Variants in SVOP observed in about 807,000 individuals in gnomAD.
The protein encoded by SVOP is SV2 related protein, also known as synaptic vesicle 2-related protein.
Under a neutral mutation model 69.1 loss-of-function variants are expected in SVOP, and 17 were observed. That is an observed-to-expected ratio of 0.25 (90% CI 0.17 to 0.37). The LOEUF (loss-of-function observed/expected upper bound fraction) is 0.37, where lower values mean the gene tolerates loss of function less well. Ranked by LOEUF, SVOP falls within the 10% of genes least tolerant of loss-of-function variation. The pLI, the probability that SVOP is intolerant of heterozygous loss-of-function variation, is 1.00. For synonymous variants in SVOP, 238 were observed against 238.6 expected (o/e 1.00, Z 0.02); for missense variants, 435 against 597.5 (o/e 0.73, Z 2.84).
At chr12:108,982,436 A>G (rs1342299187) in intron 2 of SVOP, among the ~76,000 whole-genome samples, 2 of 149,792 alleles carry the variant, frequency 1.3e-5, no homozygotes, top group Non-Finnish European at 3.0e-5. Context: ...CATGATCACC[A>G]TCATCATCAT....
intron 11 of SVOP, among the ~76,000 whole-genome samples, chr12:108,925,147 T>C (rs1255385350): frequency 6.6e-6 from 1 of 152,224 alleles, no homozygotes; most frequent in Non-Finnish European, 1.5e-5. Flanking sequence ...TGATTTTGCC[T>C]GTAACTTCTA....
At chr12:108,990,912 G>A (rs1392542639) in intron 1 of SVOP, among the ~76,000 whole-genome samples, 1 of 152,172 alleles carries the variant, frequency 6.6e-6, no homozygotes, top group East Asian at 1.9e-4. Flanking sequence ...TTTACACTTT[G>A]AGTGCATTCC....
intron 11 of SVOP, 113 bp from the exon 12 acceptor site, chr12:108,922,910 G>A: frequency 1.4e-6 from 1 of 715,236 alleles, no homozygotes; most frequent in Admixed American, 2.3e-5. Flanking sequence ...GCCATAGAAA[G>A]AGCCCAGACT....
intron 6 of SVOP, among the ~76,000 whole-genome samples, chr12:108,949,972 C>T (rs1055203625): frequency 6.6e-6 from 1 of 152,184 alleles, no homozygotes; most frequent in African/African-American, 2.4e-5. Flanking sequence ...GCTGAGTCTC[C>T]CAGAGGAAAC....
In SVOP at chr12:108,911,903, T is replaced by C. The variant is rs2039685730; in HGVS notation, c.*632A>G. 6.5e-6 allele frequency: 1 copy of C among 152,900 alleles called. No homozygotes were observed. The highest frequency in any genetic ancestry group is 1.5e-5 in the Non-Finnish European group (1 of 68,660). 9.5% of individuals were successfully genotyped at this position (152,900 alleles called of 1,614,324 possible). A position where few individuals can be genotyped will look rare whatever the true frequency, so the allele number is the denominator to read the frequency against. On this transcript the variant is annotated 3_prime_UTR_variant, in exon 16 of 16. Transcript: ENST00000610966. The stretch of plus-strand genomic sequence containing the variant: ...GTCCCCAGGGACACATCTGGATCTC[T>C]TGGTGCCAACAACGGCAACTCCAGA...
chr12:108,960,465 C>T (rs2040011898), intron 6 of SVOP, among the ~76,000 whole-genome samples: 1 of 152,116 alleles, frequency 6.6e-6, no homozygotes, highest in South Asian at 2.1e-4. Context: ...TCATACTCTG[C>T]CTTGCGTTTA....
chr12:108,970,708 A>G (rs192654308), intron 5 of SVOP, among the ~76,000 whole-genome samples: 2 of 152,320 alleles, frequency 1.3e-5, no homozygotes, highest in Non-Finnish European at 2.9e-5. Flanking sequence ...TCCTGTGCCT[A>G]GCATGTGCCT....
intron 1 of SVOP, among the ~76,000 whole-genome samples, chr12:109,020,264 A>T (rs952088092): frequency 1.2e-4 from 18 of 152,198 alleles, no homozygotes; most frequent in African/African-American, 4.1e-4. Flanking sequence ...CCTTTCATTC[A>T]GAAGAAGGCA....
At chr12:109,010,343 A>C (rs2040335119) in intron 1 of SVOP, among the ~76,000 whole-genome samples, 1 of 152,042 alleles carries the variant, frequency 6.6e-6, no homozygotes, top group Non-Finnish European at 1.5e-5. Flanking sequence ...ATTCACATGC[A>C]AATCTGCATA....
chr12:108,912,736 C>T lies in SVOP; in HGVS notation c.1446G>A (p.Met482Ile), dbSNP rs867109362. Residue 482 changes from methionine (M) to isoleucine (I), a missense_variant, in exon 16 of 16, where the codon ATG becomes ATA. Coordinates refer to ENST00000610966, the MANE Select transcript of SVOP (RefSeq NM_018711.5). ...ALITPFIAQVMLESSVYLTLA... is the reference protein window; with the variant it reads ...ALITPFIAQVILESSVYLTLA... ...GAGTCAGGTACACAGAGGATTCCAGCATCACCTAGGGGAAGGAGACACGGG... is the reference window on the plus strand; with the variant it reads ...GAGTCAGGTACACAGAGGATTCCAGTATCACCTAGGGGAAGGAGACACGGG... 6.2e-7 allele frequency: 1 copy of T among 1,613,524 alleles called. No individual in the cohort carries two copies. Among genetic ancestry groups the T allele is most frequent in the Non-Finnish European group, 8.5e-7 (1 of 1,179,750 alleles).
At chr12:108,924,334 T>C (rs1316798265) in intron 11 of SVOP, among the ~76,000 whole-genome samples, 1 of 152,186 alleles carries the variant, frequency 6.6e-6, no homozygotes, top group African/African-American at 2.4e-5. Context: ...ACACCCTATC[T>C]GAACCAGCCA....
chr12:109,006,779 G>T (rs1027300320), intron 1 of SVOP, among the ~76,000 whole-genome samples: 2 of 152,176 alleles, frequency 1.3e-5, no homozygotes, highest in Non-Finnish European at 2.9e-5. Flanking sequence ...TGATTGGTTT[G>T]TATAGGAAAG....
intron 9 of SVOP, 60 bp from the exon 10 acceptor site, chr12:108,937,397 C>A: frequency 6.5e-7 from 1 of 1,529,750 alleles, no homozygotes; most frequent in Non-Finnish European, 9.1e-7. Context: ...GGGAGATGGG[C>A]TGGTGGCCTG....
intron 6 of SVOP, among the ~76,000 whole-genome samples, chr12:108,946,690 TTTATTA>T (rs370752888): frequency 0.02 from 2,724 of 136,484 alleles, 32 homozygotes; most frequent in Middle Eastern, 0.036. Context: ...GCAACCTGTT[TTTATTA>T]TTATTATTAT....
chr12:108,913,255 T>G (rs2039696137), intron 15 of SVOP, among the ~76,000 whole-genome samples: 1 of 152,060 alleles, frequency 6.6e-6, no homozygotes, highest in African/African-American at 2.4e-5. Flanking sequence ...GAGATGGGGT[T>G]TCTCCATGTT....
intron 1 of SVOP, among the ~76,000 whole-genome samples, chr12:108,985,602 G>T (rs941443835): frequency 6.6e-6 from 1 of 152,130 alleles, no homozygotes; most frequent in Non-Finnish European, 1.5e-5. Context: ...AGCCCAGGAG[G>T]TGGAGGTTGC....
chr12:108,922,649 A>G (rs375997305), intron 12 of SVOP, 41 bp downstream of exon 12: 6 of 1,470,466 alleles, frequency 4.1e-6, no homozygotes, highest in Non-Finnish European at 5.6e-6. Context: ...CCATATTCCC[A>G]GGCTTGCCTG....
intron 1 of SVOP, among the ~76,000 whole-genome samples, chr12:109,018,748 T>C (rs1219397137): frequency 6.6e-6 from 1 of 152,208 alleles, no homozygotes; most frequent in African/African-American, 2.4e-5. Context: ...GATTAAGATT[T>C]TGAGGGAGTC....
chr12:108,948,155 C>T (rs2039935262), intron 6 of SVOP, among the ~76,000 whole-genome samples: 1 of 152,178 alleles, frequency 6.6e-6, no homozygotes, highest in Admixed American at 6.5e-5. Flanking sequence ...GAGCAATGAA[C>T]ACTCCCTTAG....
Sources: allele counts gnomAD v4.1 joint callset (sites outside exome capture counted in the v4.1 genomes callset), GRCh38; gene constraint gnomAD v4.1.1; transcripts MANE v1.5; gene names NCBI Gene and HGNC (gene_info 2026-07-23, HGNC 2026-07-21).